PPIP5K1: variants seen among roughly 807,000 people sequenced by gnomAD.
The protein encoded by PPIP5K1 is inositol hexakisphosphate and diphosphoinositol-pentakisphosphate kinase 1.
Under a neutral mutation model 27.7 loss-of-function variants are expected in PPIP5K1, and 6 were observed. The ratio of observed to expected loss-of-function variants is 0.22; its 90% CI spans 0.12 to 0.43. The LOEUF is 0.43. PPIP5K1 is among the 20% of genes least tolerant of loss of function. PPIP5K1 has a pLI of 1.00. For missense variants in PPIP5K1, 394 were observed against 635.4 expected (o/e 0.62, Z 4.08); for synonymous variants, 145 against 242.6 (o/e 0.60, Z 3.74).
chr15:43,546,804 G>A (rs944163118), intron 30 of PPIP5K1, among the ~76,000 whole-genome samples: 10 of 151,530 alleles, frequency 6.6e-5, no homozygotes, highest in African/African-American at 2.4e-4. Flanking sequence ...CTACAGGTGT[G>A]CACCACCATG....
In PPIP5K1 at chr15:43,534,983, G is replaced by A. The variant is rs143551813; in HGVS notation, c.4164C>T (p.Asn1388=). The A allele has an allele frequency of 6.2e-6, 10 of 1,612,312 alleles. No homozygotes were observed. Among genetic ancestry groups the A allele is most frequent in the African/African-American group, 4.0e-5 (3 of 74,292 alleles). ...SEEVCQLCLE[N]SEEVSQPCQG... ...GGCATGGCTGGCTGACCTCCTCGGA[G>A]TTCTCCAGACATAGCTGGCAAACTT... Residue 1388 remains asparagine, a synonymous_variant, in exon 32 of 32, where the codon AAC becomes AAT. Transcript: ENST00000420765.
chr15:43,555,868 A>C (rs2082873965), intron 30 of PPIP5K1, among the ~76,000 whole-genome samples: 1 of 152,092 alleles, frequency 6.6e-6, no homozygotes, highest in African/African-American at 2.4e-5. Context: ...GGCCTCTCAA[A>C]GTGTTAGGAT....
At chr15:43,553,646 G>GTTT (rs564313930) in intron 30 of PPIP5K1, among the ~76,000 whole-genome samples, 2 of 131,356 alleles carry the variant, frequency 1.5e-5, no homozygotes, top group Non-Finnish European at 1.6e-5. Flanking sequence ...TTTTCTGTGT[G>GTTT]TTTTTTTTTT....
In PPIP5K1 at chr15:43,535,315, C is replaced by T. The variant is rs761229301; in HGVS notation, c.3832G>A (p.Gly1278Arg). The part of the protein sequence containing the change: ...LGLLQETPGS[G>R]AQELSIEGEQ... Reference sequence around the variant, plus strand: ...CCTTCTATGGAGAGCTCTTGTGCTCCACTCCCAGGGGTCTCCTGGAGCAGC... The same window carrying T: ...CCTTCTATGGAGAGCTCTTGTGCTCTACTCCCAGGGGTCTCCTGGAGCAGC... Residue 1278 changes from glycine to arginine, a missense_variant, in exon 32 of 32, where the codon GGA becomes AGA. This residue lies in a region of PPIP5K1 where 379 missense variants were observed against 423.9 expected (regional missense o/e 0.89). Coordinates refer to ENST00000420765, the MANE Select transcript of PPIP5K1 (RefSeq NM_001394395.1). 9 of 1,614,064 alleles carry T rather than the reference C, an allele frequency of 5.6e-6. No homozygotes were observed. Among genetic ancestry groups the T allele is most frequent in the Middle Eastern group, 1.6e-4 (1 of 6,084 alleles).
At position 43,534,393 on chromosome 15, in the gene PPIP5K1, C is replaced by T. The variant is rs2079562894; in HGVS notation, c.*281G>A. The T allele has an allele frequency of 3.4e-6, 1 of 297,688 alleles. No individual in the cohort carries two copies. The highest frequency in any genetic ancestry group is 5.6e-5 in the East Asian group (1 of 17,770). 18.4% of individuals were successfully genotyped at this position (297,688 alleles called of 1,614,324 possible). ...AACTGGCTCCTCCTCAACCACAGCT[C>T]TGGCACAGGTATGCTTCATACAAAG... On this transcript the variant is annotated 3_prime_UTR_variant, in exon 32 of 32. Transcript: ENST00000420765.
intron 30 of PPIP5K1, among the ~76,000 whole-genome samples, chr15:43,551,301 T>C (rs2082152652): frequency 6.6e-6 from 1 of 152,022 alleles, no homozygotes; most frequent in African/African-American, 2.4e-5. Flanking sequence ...GTGAATCACT[T>C]GAGGCCAGGA....
At chr15:43,537,271 G>C (rs1216985945) in intron 31 of PPIP5K1, 2 of 189,914 alleles carry the variant, frequency 1.1e-5, no homozygotes, top group Non-Finnish European at 2.1e-5. Flanking sequence ...CTTGAACCCA[G>C]GAGGCGGAGG....
intron 30 of PPIP5K1, among the ~76,000 whole-genome samples, chr15:43,552,363 A>G (rs1369524259): frequency 1.3e-5 from 2 of 151,946 alleles, no homozygotes; most frequent in African/African-American, 4.8e-5. Flanking sequence ...ATCTCAAAGT[A>G]TAATCTAATT....
chr15:43,541,193 C>T (rs770501913), intron 30 of PPIP5K1, among the ~76,000 whole-genome samples: 3 of 152,004 alleles, frequency 2.0e-5, no homozygotes, highest in Non-Finnish European at 4.4e-5. Flanking sequence ...AGCTCACTGC[C>T]GTCTTGACCT....
At position 43,558,909 on chromosome 15, in the gene PPIP5K1, G is replaced by A. The variant is rs760513877; in HGVS notation, c.3442C>T (p.Pro1148Ser). ...LYGFEGCSMV[P>S]TIYPLETLHN... ...AGTGTTTCCAGAGGGTAGATGGTAG[G>A]CACCATGGAACACCCTTCAAACCCT... Residue 1148 changes from proline (P) to serine (S), a missense_variant, in exon 30 of 32, where the codon CCT becomes TCT. By Grantham distance (74) the Pro-to-Ser change is moderately conservative. Transcript: ENST00000420765. The A allele has an allele frequency of 2.5e-6, 4 of 1,613,724 alleles. No homozygotes were observed. Among genetic ancestry groups the A allele is most frequent in the Non-Finnish European group, 2.5e-6 (3 of 1,179,998 alleles).
At chr15:43,535,564 G>C (rs924308767) in intron 31 of PPIP5K1, 88 bp from the exon 32 acceptor site, 10 of 1,101,934 alleles carry the variant, frequency 9.1e-6, no homozygotes, top group Non-Finnish European at 1.3e-5. Context: ...AGAATTGTTG[G>C]CCTATGCTAC....
intron 30 of PPIP5K1, 121 bp from the exon 31 acceptor site, chr15:43,539,704 C>T (rs2080409448): frequency 3.2e-6 from 2 of 623,186 alleles, no homozygotes; most frequent in East Asian, 5.6e-5. Context: ...TGAGAAGTAG[C>T]ATTTCCTGGG....
In PPIP5K1 at chr15:43,537,344, C is replaced by CAAA. The variant is rs375557879; in HGVS notation, c.3671-1871_3671-1869dup. ...TGGATGACAGAGCAAGACTCCACCTCAAAAAAAAAAAAAAAAAAAAAAAAA... is the reference window on the plus strand; with the variant it reads ...TGGATGACAGAGCAAGACTCCACCTCAAAAAAAAAAAAAAAAAAAAAAAAAAAA... On this transcript the variant is annotated intron_variant, in intron 31 of 31. Transcript: ENST00000420765. The CAAA allele has an allele frequency of 6.9e-4, 58 of 83,528 alleles. 1 individual carries two copies. Among genetic ancestry groups the CAAA allele is most frequent in the Middle Eastern group, 5.0e-3 (1 of 200 alleles). 5.2% of individuals were successfully genotyped at this position (83,528 alleles called of 1,614,324 possible).
chr15:43,535,285 G>A lies in PPIP5K1; in HGVS notation c.3862C>T (p.Gln1288Ter). 6 of 1,614,154 alleles carry A rather than the reference G, an allele frequency of 3.7e-6. No homozygotes were observed. The highest frequency in any genetic ancestry group is 5.1e-6 in the Non-Finnish European group (6 of 1,180,030). ...GAQELSIEGE[Q>*]ELFEPNQSPQ... ...GACTGATTTGGTTCAAAAAGCTCTT[G>A]CTCCCCTTCTATGGAGAGCTCTTGT... The change falls in exon 32 of 32, where the codon CAA becomes TAA. Residue 1288 changes from glutamine (Q) to a stop codon, truncating the protein, a stop_gained. Coordinates refer to ENST00000420765, the MANE Select transcript of PPIP5K1 (RefSeq NM_001394395.1). LOFTEE classifies it low-confidence loss of function (END_TRUNC).
intron 30 of PPIP5K1, among the ~76,000 whole-genome samples, chr15:43,557,220 G>T (rs1378307943): frequency 2.0e-5 from 3 of 152,160 alleles, no homozygotes; most frequent in Non-Finnish European, 2.9e-5. Context: ...CCAAGGGGGG[G>T]TGGATCACCT....
chr15:43,542,918 G>A (rs889366705), intron 30 of PPIP5K1, among the ~76,000 whole-genome samples: 16 of 151,918 alleles, frequency 1.1e-4, no homozygotes, highest in Admixed American at 8.5e-4. Flanking sequence ...AGGCTCAAGC[G>A]ATACTCCCAC....
At chr15:43,553,312 G>A (rs1271478751) in intron 30 of PPIP5K1, among the ~76,000 whole-genome samples, 5 of 151,092 alleles carry the variant, frequency 3.3e-5, no homozygotes, top group Admixed American at 6.6e-5. Flanking sequence ...GGTTTGTAGT[G>A]TTCTATTTCC....
At chr15:43,536,293 T>C (rs943271757) in intron 31 of PPIP5K1, 10 of 315,786 alleles carry the variant, frequency 3.2e-5, no homozygotes, top group Non-Finnish European at 6.1e-5. Flanking sequence ...GTGGCGGCTG[T>C]CTGTAATCCC....
intron 30 of PPIP5K1, among the ~76,000 whole-genome samples, chr15:43,549,266 C>A (rs150789507): frequency 6.6e-6 from 1 of 151,630 alleles, no homozygotes; most frequent in South Asian, 2.1e-4. Flanking sequence ...AATCTTTCAA[C>A]TTCTTGGTTA....
Sources: allele counts gnomAD v4.1 joint callset (sites outside exome capture counted in the v4.1 genomes callset), GRCh38; gene constraint gnomAD v4.1.1; regional missense constraint gnomAD v4.1.1; transcripts MANE v1.5; gene names NCBI Gene and HGNC (gene_info 2026-07-23, HGNC 2026-07-21).